RBFOX1: variants seen among roughly 807,000 people sequenced by gnomAD.
RBFOX1 encodes the protein RNA binding fox-1 homolog 1.
In RBFOX1, 8 loss-of-function variants were observed where a neutral mutation model predicts 57.7. That is an observed-to-expected ratio of 0.14 (90% CI 0.08 to 0.25). The LOEUF is 0.25. Ranked by LOEUF, RBFOX1 falls within the 10% of genes least tolerant of loss-of-function variation. RBFOX1 has a pLI of 1.00. For synonymous variants in RBFOX1, 326 were observed against 222.4 expected, an observed-to-expected ratio of 1.47 and a Z score of -4.15; for missense variants, 611 against 548.5, an observed-to-expected ratio of 1.11 and a Z score of -1.14.
chr16:6,575,113 C>G (rs889776448), intron 2 of RBFOX1, among the ~76,000 whole-genome samples: 1 of 151,446 alleles, frequency 6.6e-6, no homozygotes, highest in South Asian at 2.1e-4. Flanking sequence ...GGCCTGGGGT[C>G]TCCCCGCAAG....
At chr16:7,168,813 A>C (rs2080096916) in intron 4 of RBFOX1, among the ~76,000 whole-genome samples, 1 of 152,318 alleles carries the variant, frequency 6.6e-6, no homozygotes, top group South Asian at 2.1e-4. Flanking sequence ...TGTTATTCTA[A>C]TGAATAATTC....
chr16:6,737,590 C>T (rs1291801086), intron 3 of RBFOX1, among the ~76,000 whole-genome samples: 4 of 152,138 alleles, frequency 2.6e-5, no homozygotes, highest in South Asian at 2.1e-4. Flanking sequence ...TGTGTTTTCT[C>T]GCCCGAGGCT....
chr16:7,481,320 C>G lies in RBFOX1; in HGVS notation c.28-36827C>G, dbSNP rs117594298. On this transcript the variant is annotated intron_variant, in intron 4 of 15. Transcript: ENST00000550418. The stretch of plus-strand genomic sequence containing the variant: ...TCGCATTATCTATATAATGTGTAAA[C>G]TTGTGGATATTTCTGTAGATATTGC... Among the ~76,000 whole-genome samples, 120 of 152,300 alleles carry G rather than the reference C, an allele frequency of 7.9e-4. 2 individuals carry two copies. In the East Asian group the frequency reaches 0.022, roughly 28 times the overall value.
chr16:6,309,719 T>A (rs2080003845), intron 1 of RBFOX1, among the ~76,000 whole-genome samples: 1 of 151,668 alleles, frequency 6.6e-6, no homozygotes, highest in African/African-American at 2.4e-5. Flanking sequence ...CGGGGAGAAG[T>A]TTGCTTCCCT....
intron 3 of RBFOX1, among the ~76,000 whole-genome samples, chr16:5,741,749 G>A (rs987487964): frequency 4.6e-5 from 7 of 152,252 alleles, no homozygotes; most frequent in East Asian, 3.9e-4. Flanking sequence ...CCACAAGGAC[G>A]TATTTTATAT....
At chr16:7,030,091 G>C (rs933505664) in intron 3 of RBFOX1, among the ~76,000 whole-genome samples, 12 of 152,132 alleles carry the variant, frequency 7.9e-5, no homozygotes, top group African/African-American at 2.4e-4. Context: ...TTACAAATTG[G>C]TGCCAAAAAT....
chr16:6,303,187 C>A (rs116714234), intron 1 of RBFOX1, among the ~76,000 whole-genome samples: 2,219 of 152,242 alleles, frequency 0.015, 55 homozygotes, highest in African/African-American at 0.051. Context: ...TTCTGATAAG[C>A]TGATTATCTC....
intron 14 of RBFOX1, among the ~76,000 whole-genome samples, chr16:7,703,989 T>C (rs1477296166): frequency 1.3e-5 from 2 of 152,350 alleles, no homozygotes; most frequent in Non-Finnish European, 2.9e-5. Flanking sequence ...TATCATAATC[T>C]CCTCTATCTG....
Position 6,292,719 on chromosome 16 carries a change from C to T in RBFOX1, c.-126-24276C>T, listed in dbSNP as rs2077598157. Among the ~76,000 whole-genome samples, 11 of 152,176 alleles carry T rather than the reference C, an allele frequency of 7.2e-5. 1 individual carries two copies. The South Asian group carries it at 2.3e-3, about 32-fold the overall frequency. ...CATTGTCAAAAAGTCATTGAACTAT[C>T]TATTGCTGGTGACTGCACACATCCC... On this transcript the variant is annotated intron_variant, in intron 1 of 15. Transcript: ENST00000550418.
chr16:5,999,001 A>C (rs1011581532), intron 4 of RBFOX1, among the ~76,000 whole-genome samples: 24 of 152,184 alleles, frequency 1.6e-4, no homozygotes, highest in Admixed American at 1.5e-3. Context: ...CTGTTATGGG[A>C]AACATTTATC....
At chr16:7,076,388 C>G (rs1486131538) in intron 4 of RBFOX1, among the ~76,000 whole-genome samples, 1 of 151,790 alleles carries the variant, frequency 6.6e-6, no homozygotes, top group African/African-American at 2.4e-5. Flanking sequence ...TTACCCGAGT[C>G]TTTGTCAAAA....
intron 2 of RBFOX1, among the ~76,000 whole-genome samples, chr16:6,374,793 T>G (rs1411096582): frequency 2.6e-5 from 4 of 152,228 alleles, no homozygotes; most frequent in African/African-American, 7.2e-5. Context: ...ATAAAACACC[T>G]TCCTTTGAAG....
intron 2 of RBFOX1, among the ~76,000 whole-genome samples, chr16:6,526,052 T>A (rs1368873132): frequency 6.6e-6 from 1 of 152,190 alleles, no homozygotes; most frequent in Non-Finnish European, 1.5e-5. Flanking sequence ...AATGGTGTTC[T>A]CATCACTTAC....
intron 5 of RBFOX1, among the ~76,000 whole-genome samples, chr16:7,542,522 C>T (rs914813292): frequency 5.3e-5 from 8 of 151,074 alleles, no homozygotes; most frequent in Admixed American, 3.3e-4. Context: ...ACATGAAGGG[C>T]GAAGGAAGGG....
At chr16:6,528,120 T>G (rs1351889715) in intron 2 of RBFOX1, among the ~76,000 whole-genome samples, 1 of 152,160 alleles carries the variant, frequency 6.6e-6, no homozygotes, top group Non-Finnish European at 1.5e-5. Flanking sequence ...CCAACTGGAA[T>G]CCTTCCCTTT....
chr16:5,742,661 C>T (rs1323182877), intron 3 of RBFOX1, among the ~76,000 whole-genome samples: 1 of 152,198 alleles, frequency 6.6e-6, no homozygotes, highest in Non-Finnish European at 1.5e-5. Context: ...CTAGGCATAA[C>T]AGAGTACTGG....
intron 4 of RBFOX1, among the ~76,000 whole-genome samples, chr16:7,055,407 G>C (rs2051810439): frequency 2.0e-5 from 3 of 152,120 alleles, no homozygotes. Flanking sequence ...GGTTGATTCA[G>C]AGGCTTTTTG....
chr16:5,997,355 C>G (rs1485104759), intron 4 of RBFOX1, among the ~76,000 whole-genome samples: 1 of 152,194 alleles, frequency 6.6e-6, no homozygotes, highest in Non-Finnish European at 1.5e-5. Flanking sequence ...GGGCAAGGTA[C>G]TTTGGTTTAG....
In RBFOX1 at chr16:5,477,928, C is replaced by A. The variant is rs146918972; in HGVS notation, c.258+10674C>A. On this transcript the variant is annotated intron_variant, in intron 2 of 2. Transcript: ENST00000585867. ...GTGATGTGAAACTCAACTTGCTCAG[C>A]CCCAAATGCAGTTCTCCTTGGTTCT... Among the ~76,000 whole-genome samples, 568 of 152,272 alleles carry A rather than the reference C, an allele frequency of 3.7e-3. 2 individuals are homozygous for A. Among genetic ancestry groups the A allele is most frequent in the African/African-American group, 0.013 (547 of 41,558 alleles).
Sources: gnomAD v4.1 joint callset for allele counts (sites outside exome capture counted in the v4.1 genomes callset) on GRCh38, gnomAD v4.1.1 for gene constraint, MANE v1.5 for transcripts, NCBI Gene and HGNC (gene_info 2026-07-23, HGNC 2026-07-21) for gene names.